CSGALNACT1: variants seen among roughly 807,000 people sequenced by gnomAD.
CSGALNACT1 encodes the protein beta4GalNAcT-1.
In CSGALNACT1, 52 loss-of-function variants were observed where a neutral mutation model predicts 51.0. The observed-to-expected ratio is 1.02, with a 90% confidence interval of 0.82 to 1.29. The LOEUF is 1.29. Among genes scored for constraint, CSGALNACT1 ranks in the 50% most tolerant of loss-of-function variants. The probability of loss-of-function intolerance (pLI) is 0.00; values close to 1 mark genes in which losing one functional copy is unlikely to be tolerated. For missense variants in CSGALNACT1, 935 were observed against 679.2 expected (o/e 1.38, Z -4.19); for synonymous variants, 341 against 254.4 (o/e 1.34, Z -3.24).
chr8:19,630,326 AAT>A (rs1422914878), intron 1 of CSGALNACT1, among the ~76,000 whole-genome samples: 2 of 151,870 alleles, frequency 1.3e-5, no homozygotes, highest in African/African-American at 2.4e-5. Context: ...TAAAAAAATT[AAT>A]AGAGTTTAAT....
At chr8:19,663,371 C>T (rs974550040) in intron 1 of CSGALNACT1, among the ~76,000 whole-genome samples, 6 of 152,100 alleles carry the variant, frequency 3.9e-5, no homozygotes, top group Admixed American at 3.9e-4. Context: ...CTCTTCTCGC[C>T]AAAATCTAAA....
intron 3 of CSGALNACT1, among the ~76,000 whole-genome samples, chr8:19,582,177 G>A (rs1303182096): frequency 6.6e-6 from 1 of 152,220 alleles, no homozygotes; most frequent in African/African-American, 2.4e-5. Flanking sequence ...GGCACTGCAA[G>A]TGACTATATT....
At chr8:19,447,893 G>A (rs1006647385) in intron 5 of CSGALNACT1, among the ~76,000 whole-genome samples, 4 of 152,222 alleles carry the variant, frequency 2.6e-5, no homozygotes, top group Non-Finnish European at 4.4e-5. Context: ...ACAAAACTAT[G>A]AGGATACTGG....
intron 1 of CSGALNACT1, among the ~76,000 whole-genome samples, chr8:19,630,194 CTGTGTGTGTGTGTG>C (rs55947851): frequency 0.032 from 4,393 of 137,860 alleles, 153 homozygotes; most frequent in Admixed American, 0.089. Flanking sequence ...TCCCACGTCT[CTGTGTGTGTGTGTG>C]TGTGTGTGTG....
chr8:19,757,812 G>T lies in CSGALNACT1; in HGVS notation c.-297+38C>A, dbSNP rs775309931. ...TTTAGTCGCGGTCTCTGCTGCCCTG[G>T]TCAGCTATAACGCCTCCCCTAGAGA... is the stretch of plus-strand genomic sequence containing the variant. On this transcript the variant is annotated intron_variant, in intron 1 of 1. Transcript: ENST00000517494. This position sits in a 1 kb window ranked among gnomAD's most constrained non-coding sequence, Gnocchi z 4.0. 2.0e-5 allele frequency: 3 copies of T among 152,240 alleles called. No homozygotes were observed. The highest frequency in any genetic ancestry group is 6.5e-5 in the Admixed American group (1 of 15,286). The allele number at this position is 152,240 out of a possible 1,614,324, so 9.4% of individuals were successfully genotyped here.
chr8:19,457,796 C>A, intron 5 of CSGALNACT1: 1 of 1,351,520 alleles, frequency 7.4e-7, no homozygotes, highest in South Asian at 1.1e-5. Flanking sequence ...AGGCACACAT[C>A]TAAAAACTTC....
At chr8:19,446,182 ATAAG>A (rs762364649) in intron 5 of CSGALNACT1, among the ~76,000 whole-genome samples, 13 of 152,186 alleles carry the variant, frequency 8.5e-5, no homozygotes, top group East Asian at 3.9e-4. Context: ...CTCAAAATAA[ATAAG>A]TAAGTAAGTA....
chr8:19,594,372 C>T (rs374873053), intron 2 of CSGALNACT1, among the ~76,000 whole-genome samples: 22 of 152,074 alleles, frequency 1.4e-4, no homozygotes, highest in Middle Eastern at 3.4e-3. Context: ...ATGTGTAATC[C>T]GGCACTCAAT....
At chr8:19,679,413 T>G (rs2060433389) in intron 1 of CSGALNACT1, among the ~76,000 whole-genome samples, 1 of 151,986 alleles carries the variant, frequency 6.6e-6, no homozygotes, top group East Asian at 1.9e-4. Flanking sequence ...GCCATGATCA[T>G]GCCACTGTAC....
intron 3 of CSGALNACT1, among the ~76,000 whole-genome samples, chr8:19,519,882 G>A (rs912452652): frequency 2.0e-5 from 3 of 152,162 alleles, no homozygotes; most frequent in African/African-American, 7.2e-5. Flanking sequence ...TGGAAGAATG[G>A]ATCTGCACAG....
At chr8:19,423,192 G>T (rs1264457951) in intron 6 of CSGALNACT1, among the ~76,000 whole-genome samples, 2 of 152,156 alleles carry the variant, frequency 1.3e-5, no homozygotes, top group African/African-American at 2.4e-5. Context: ...CTCTTAATAG[G>T]CTGCATTAAA....
At chr8:19,445,008 G>T (rs1233472672) in intron 5 of CSGALNACT1, among the ~76,000 whole-genome samples, 1 of 152,152 alleles carries the variant, frequency 6.6e-6, no homozygotes, top group South Asian at 2.1e-4. Context: ...TGAGAATTCT[G>T]TCTCTTTCTG....
chr8:19,548,203 C>T (rs1306861980), intron 3 of CSGALNACT1, among the ~76,000 whole-genome samples: 5 of 152,182 alleles, frequency 3.3e-5, no homozygotes, highest in Non-Finnish European at 5.9e-5. Context: ...GAATTTTCCT[C>T]AAGGATAGCA....
intron 4 of CSGALNACT1, among the ~76,000 whole-genome samples, chr8:19,476,844 G>C (rs148286480): frequency 1.3e-5 from 2 of 152,138 alleles, no homozygotes; most frequent in Non-Finnish European, 2.9e-5. Flanking sequence ...ATGTGAGTGA[G>C]CAAGCCTTCA....
intron 1 of CSGALNACT1, among the ~76,000 whole-genome samples, chr8:19,724,486 T>C (rs552063112): frequency 7.2e-4 from 110 of 152,350 alleles, no homozygotes; most frequent in Middle Eastern, 6.8e-3. Flanking sequence ...TCTCTTTCTC[T>C]GATTCTTTCA....
At chr8:19,626,138 G>A (rs1290028416) in intron 1 of CSGALNACT1, among the ~76,000 whole-genome samples, 1 of 152,096 alleles carries the variant, frequency 6.6e-6, no homozygotes, top group East Asian at 1.9e-4. Context: ...GAAGAATAAA[G>A]TCAGAGGAAT....
intron 3 of CSGALNACT1, among the ~76,000 whole-genome samples, chr8:19,569,338 C>A (rs973287430): frequency 1.4e-4 from 21 of 152,184 alleles, no homozygotes; most frequent in African/African-American, 4.6e-4. Context: ...ACTCACACTG[C>A]TGATGGACTA....
chr8:19,748,286 C>A (rs1340853822), intron 1 of CSGALNACT1, among the ~76,000 whole-genome samples: 1 of 152,150 alleles, frequency 6.6e-6, no homozygotes, highest in African/African-American at 2.4e-5. Context: ...TCCTGTCAGT[C>A]TAGAACTTCA....
chr8:19,551,702 C>T (rs895185943), intron 3 of CSGALNACT1, among the ~76,000 whole-genome samples: 1 of 152,106 alleles, frequency 6.6e-6, no homozygotes, highest in Non-Finnish European at 1.5e-5. Context: ...TTTCGGTACT[C>T]TCCCTTCTGC....
Sources: gnomAD v4.1 joint callset for allele counts (sites outside exome capture counted in the v4.1 genomes callset) on GRCh38, gnomAD v4.1.1 for gene constraint, Gnocchi (gnomAD v3.1) non-coding constraint, MANE v1.5 for transcripts, NCBI Gene and HGNC (gene_info 2026-07-23, HGNC 2026-07-21) for gene names.